FGFR2: variants seen among roughly 807,000 people sequenced by gnomAD.
The protein encoded by FGFR2 is BEK fibroblast growth factor receptor.
FGFR2 carries 19 observed loss-of-function variants against 95.9 expected under a neutral mutation model. That is an observed-to-expected ratio of 0.20 (90% CI 0.14 to 0.29). The LOEUF (loss-of-function observed/expected upper bound fraction) is 0.29. Among genes scored for constraint, FGFR2 ranks in the 10% least tolerant of loss-of-function variants. FGFR2 has a pLI of 1.00. For synonymous variants in FGFR2, 392 were observed against 393.3 expected (o/e 1.00, Z 0.04); for missense variants, 707 against 1,056.9 (o/e 0.67, Z 4.59).
chr10:121,570,898 G>A (rs1371420653), intron 2 of FGFR2, among the ~76,000 whole-genome samples: 1 of 152,214 alleles, frequency 6.6e-6, no homozygotes, highest in East Asian at 1.9e-4. Context: ...CTGCAGCCCT[G>A]CTGCATAAAG....
intron 6 of FGFR2, among the ~76,000 whole-genome samples, chr10:121,533,693 T>C (rs1346013610): frequency 6.6e-6 from 1 of 152,212 alleles, no homozygotes; most frequent in African/African-American, 2.4e-5. Context: ...CAGCACCTCC[T>C]TAGAGTCGGG....
At chr10:121,574,216 C>T (rs1320996889) in intron 2 of FGFR2, among the ~76,000 whole-genome samples, 1 of 152,136 alleles carries the variant, frequency 6.6e-6, no homozygotes, top group Admixed American at 6.5e-5. Context: ...GGCATCAGAA[C>T]TTATCAGCAG....
intron 6 of FGFR2, among the ~76,000 whole-genome samples, chr10:121,535,021 C>T (rs556442649): frequency 9.2e-5 from 14 of 152,220 alleles, no homozygotes; most frequent in South Asian, 2.1e-4. Context: ...CCTGGATTTA[C>T]GGTGGGCCCT....
chr10:121,595,421 T>C (rs908508572), intron 1 of FGFR2, among the ~76,000 whole-genome samples: 5 of 152,180 alleles, frequency 3.3e-5, no homozygotes, highest in Admixed American at 6.5e-5. Flanking sequence ...AAGAAAAGTA[T>C]GTGTGCAGTG....
rs1286935071 is a variant in FGFR2 at position 121,500,956 on chromosome 10, G to T, written c.1440-9C>A. ...GCTTGCCCAGTGTCAGCCTAAATGT[G>T]TAAATAGGGGATTAGCACATAGCAT... On this transcript the variant is annotated splice_polypyrimidine_tract_variant and intron_variant, in intron 10 of 17. Coordinates refer to ENST00000358487, the MANE Select transcript of FGFR2 (RefSeq NM_000141.5). 1 of 1,613,800 alleles carries T rather than the reference G, an allele frequency of 6.2e-7. No individual in the cohort carries two copies. Among genetic ancestry groups the T allele is most frequent in the South Asian group, 1.1e-5 (1 of 91,084 alleles).
At chr10:121,548,648 CT>C (rs2134773428) in intron 5 of FGFR2, among the ~76,000 whole-genome samples, 1 of 152,060 alleles carries the variant, frequency 6.6e-6, no homozygotes, top group East Asian at 1.9e-4. Context: ...TCTCTGGAGC[CT>C]CATCAGCTCC....
rs527371726 is a variant in FGFR2 at position 121,485,330 on chromosome 10, C to G, written c.2195+65G>C. ...AGGGGCCTTCAAAAACGAGATACAT[C>G]AGGAGAGGTATTACTGGTGTGGCAA... is the stretch of plus-strand genomic sequence containing the variant. On this transcript the variant is annotated intron_variant, in intron 16 of 17. Transcript: ENST00000358487. This position sits in a 1 kb window ranked among gnomAD's most constrained non-coding sequence, Gnocchi z 4.2. 476 of 1,610,086 alleles carry G rather than the reference C, an allele frequency of 3.0e-4. 6 individuals are homozygous for G. In the South Asian group the frequency reaches 3.4e-3, roughly 12 times the overall value.
At chr10:121,583,760 A>C (rs1218877819) in intron 2 of FGFR2, among the ~76,000 whole-genome samples, 1 of 49,414 alleles carries the variant, frequency 2.0e-5, no homozygotes, top group African/African-American at 8.3e-5. Flanking sequence ...ATTCTCCAGC[A>C]AAAAAAAAAA....
chr10:121,482,073 A>AGG, intron 17 of FGFR2: 1 of 998,396 alleles, frequency 1.0e-6, no homozygotes, highest in Non-Finnish European at 1.6e-6. Context: ...TCCTGACCTC[A>AGG]TGATCCGCCT....
chr10:121,582,209 C>T (rs867549830), intron 2 of FGFR2, among the ~76,000 whole-genome samples: 9 of 152,156 alleles, frequency 5.9e-5, no homozygotes, highest in Middle Eastern at 6.8e-3. Flanking sequence ...GGATTACAGG[C>T]GTGAGCCACT....
At chr10:121,499,046 G>C (rs562974876) in intron 11 of FGFR2, among the ~76,000 whole-genome samples, 3 of 152,304 alleles carry the variant, frequency 2.0e-5, no homozygotes, top group African/African-American at 7.2e-5. Context: ...GAGGCCCTTA[G>C]AGCGTTCCGA....
At position 121,485,261 on chromosome 10, in the gene FGFR2, C is replaced by T; in HGVS notation, c.2195+134G>A. The T allele has an allele frequency of 8.3e-7, 1 of 1,200,384 alleles. No individual in the cohort carries two copies. Among genetic ancestry groups the T allele is most frequent in the East Asian group, 2.3e-5 (1 of 42,952 alleles). 74.4% of individuals were successfully genotyped at this position (1,200,384 alleles called of 1,614,324 possible). A position where few individuals can be genotyped will look rare whatever the true frequency, so the allele number is the denominator to read the frequency against. On this transcript the variant is annotated intron_variant, in intron 16 of 17. Transcript: ENST00000358487. The surrounding 1 kb of genome is among the most constrained non-coding windows in gnomAD (Gnocchi z 4.2). ...TATGTATCCCAGCTCTGGATTGAGC[C>T]CAGAGAGCTTCAGCCATTCTTCTTA...
intron 7 of FGFR2, among the ~76,000 whole-genome samples, chr10:121,519,660 T>C (rs1478062202): frequency 6.6e-6 from 1 of 152,100 alleles, no homozygotes; most frequent in Non-Finnish European, 1.5e-5. Flanking sequence ...GGGGACAGAG[T>C]ATCACGATCT....
intron 2 of FGFR2, among the ~76,000 whole-genome samples, chr10:121,588,091 A>G (rs1862101269): frequency 6.6e-6 from 1 of 152,260 alleles, no homozygotes; most frequent in Non-Finnish European, 1.5e-5. Context: ...TGTCTTTTGC[A>G]AGAACATGGA....
chr10:121,544,354 A>G (rs2162538), intron 5 of FGFR2, among the ~76,000 whole-genome samples: 123,790 of 151,542 alleles, frequency 0.82, 50,945 homozygotes, highest in African/African-American at 0.91. Context: ...TGAGGCAGGA[A>G]AATCGCTCGA....
intron 6 of FGFR2, among the ~76,000 whole-genome samples, chr10:121,525,469 G>T (rs991522034): frequency 2.0e-5 from 3 of 152,086 alleles, no homozygotes; most frequent in Non-Finnish European, 1.5e-5. Flanking sequence ...CTTTCTTCAA[G>T]TGTCCACTCT....
chr10:121,590,965 A>T (rs1456627575), intron 2 of FGFR2, among the ~76,000 whole-genome samples: 3 of 151,996 alleles, frequency 2.0e-5, no homozygotes, highest in African/African-American at 7.2e-5. Flanking sequence ...GGGCACAGGC[A>T]CGCACGCACG....
rs1479312618 is a variant in FGFR2, at chr10:121,577,044, A to C, written c.110-11340T>G. On this transcript the variant is annotated intron_variant, in intron 2 of 17. Coordinates refer to ENST00000358487, the MANE Select transcript of FGFR2 (RefSeq NM_000141.5). ...CAGCTACTCGGGAGGCTGAGGCAGG[A>C]GAATCGCTTGAACCTGGGAGGCGGA... Among the ~76,000 whole-genome samples, 3 of 145,692 alleles carry C rather than the reference A, an allele frequency of 2.1e-5. No individual in the cohort carries two copies. The East Asian group carries it at 6.2e-4, about 30-fold the overall frequency.
chr10:121,511,662 G>A (rs979443232), intron 9 of FGFR2, among the ~76,000 whole-genome samples: 1 of 152,066 alleles, frequency 6.6e-6, no homozygotes, highest in African/African-American at 2.4e-5. Flanking sequence ...TGTCTGGCAC[G>A]GTGCCCAAGC....
Sources: allele counts gnomAD v4.1 joint callset (sites outside exome capture counted in the v4.1 genomes callset), GRCh38; gene constraint gnomAD v4.1.1; non-coding constraint Gnocchi (gnomAD v3.1); transcripts MANE v1.5; gene names NCBI Gene and HGNC (gene_info 2026-07-23, HGNC 2026-07-21).